Variants in SUN3 observed in about 807,000 individuals in gnomAD.
SUN3 encodes the protein SUN domain-containing protein 3.
In SUN3, 36 loss-of-function variants were observed where a neutral mutation model predicts 48.2. That is an observed-to-expected ratio of 0.75 (90% CI 0.57 to 0.99). The LOEUF (loss-of-function observed/expected upper bound fraction) is 0.99. SUN3 is among the 50% of genes least tolerant of loss of function. The pLI, the probability that SUN3 is intolerant of heterozygous loss-of-function variation, is 0.00. For synonymous variants in SUN3, 148 were observed against 147.9 expected, an observed-to-expected ratio of 1.00 and a Z score of 0.00; for missense variants, 419 against 433.1, an observed-to-expected ratio of 0.97 and a Z score of 0.29.
intron 9 of SUN3, 117 bp downstream of exon 9, chr7:47,988,670 CT>C (rs1159784339): frequency 3.5e-6 from 2 of 575,636 alleles, no homozygotes; most frequent in Admixed American, 3.4e-5. Flanking sequence ...TCAGATAAGC[CT>C]TGTGTAACTC....
chr7:48,030,812 T>A (rs980867048), upstream of SUN3, among the ~76,000 whole-genome samples: 4 of 152,252 alleles, frequency 2.6e-5, no homozygotes, highest in Non-Finnish European at 5.9e-5. Context: ...ATGTGTATTT[T>A]TCAAGAATAA....
At position 47,987,369 on chromosome 7, in the gene SUN3, A is replaced by G. The variant is rs1788929329; in HGVS notation, c.1035T>C (p.Tyr345=). Residue 345 remains tyrosine (Y), a synonymous_variant, in exon 10 of 10, where the codon TAT becomes TAC. Transcript: ENST00000297325. The part of the protein sequence containing the change: ...NWGHPKYTCL[Y]RFRVHGTPGK... The stretch of plus-strand genomic sequence containing the variant: ...CTGGTGTGCCATGGACCCTGAATCG[A>G]TATAAACAAGTATACTTCGGGTGTC... 1 of 1,612,336 alleles carries G rather than the reference A, an allele frequency of 6.2e-7. No individual in the cohort carries two copies. Among genetic ancestry groups the G allele is most frequent in the Non-Finnish European group, 8.5e-7 (1 of 1,179,000 alleles).
chr7:48,035,273 AC>A, the SUN3 span, among the ~76,000 whole-genome samples: 2 of 145,656 alleles, frequency 1.4e-5, no homozygotes. This position sits in a 1 kb window ranked among gnomAD's most constrained non-coding sequence, Gnocchi z 4.0. Flanking sequence ...ACGCCCCCAC[AC>A]CCCTGCAACA....
intron 2 of SUN3, among the ~76,000 whole-genome samples, chr7:48,021,255 C>G (rs912452013): frequency 6.6e-6 from 1 of 152,140 alleles, no homozygotes; most frequent in Non-Finnish European, 1.5e-5. Context: ...ATACAAAAAT[C>G]AAATCAAAAT....
chr7:48,028,755 G>A, intron 1 of SUN3, 62 bp downstream of exon 1: 1 of 1,583,774 alleles, frequency 6.3e-7, no homozygotes, highest in Admixed American at 1.8e-5. Context: ...ACAGACACAA[G>A]TGACAGATGT....
intron 8 of SUN3, chr7:47,990,875 T>C: frequency 2.7e-6 from 1 of 365,834 alleles, no homozygotes; most frequent in African/African-American, 2.3e-5. Context: ...CTCTATGTTC[T>C]CACTTGTAAG....
Position 47,995,775 on chromosome 7 carries a change from A to C in SUN3, c.693+256T>G, listed in dbSNP as rs113728378. ...AAAAGACATGGAATGTATATGTTTT[A>C]CTTGAAAATAAAATAATCTAGTTTA... On this transcript the variant is annotated intron_variant, in intron 7 of 9. Coordinates refer to ENST00000297325, the MANE Select transcript of SUN3 (RefSeq NM_001030019.2). Among the ~76,000 whole-genome samples, 332 of 152,336 alleles carry C rather than the reference A, an allele frequency of 2.2e-3. 1 individual carries two copies. The highest frequency in any genetic ancestry group is 7.5e-3 in the African/African-American group (311 of 41,570).
chr7:48,007,796 G>A (rs1301927201), intron 4 of SUN3, among the ~76,000 whole-genome samples: 1 of 151,930 alleles, frequency 6.6e-6, no homozygotes, highest in Non-Finnish European at 1.5e-5. Flanking sequence ...TTGACAGCCT[G>A]AGCATGCAAG....
At chr7:48,002,202 C>T (rs1221347020) in intron 6 of SUN3, among the ~76,000 whole-genome samples, 2 of 122,154 alleles carry the variant, frequency 1.6e-5, no homozygotes, top group Non-Finnish European at 3.0e-5. Context: ...CTCTGTCGCC[C>T]AGGCTGGAGT....
At chr7:48,010,041 C>G (rs558024761) in intron 3 of SUN3, among the ~76,000 whole-genome samples, 3 of 152,078 alleles carry the variant, frequency 2.0e-5, no homozygotes, top group Non-Finnish European at 4.4e-5. Flanking sequence ...AGCCTGGGAG[C>G]CTCCAAAGCC....
rs867259325 is a variant in SUN3 at position 48,001,536 on chromosome 7, T to G, written c.577+4433A>C. ...ATGTCTTTTCTGTTTTTTTTGTTTT[T>G]TTTTTTTTTTTTTTTGAGACAGAGT... On this transcript the variant is annotated intron_variant, in intron 6 of 9. Coordinates refer to ENST00000297325, the MANE Select transcript of SUN3 (RefSeq NM_001030019.2). Among the ~76,000 whole-genome samples the G allele has an allele frequency of 4.9e-5, 7 of 142,126 alleles. No individual in the cohort carries two copies. The East Asian group carries it at 8.1e-4, about 16-fold the overall frequency. 93.2% of individuals were successfully genotyped at this position (142,126 alleles called of 152,430 possible).
chr7:48,008,326 C>G (rs1283733642), intron 4 of SUN3, among the ~76,000 whole-genome samples: 1 of 152,192 alleles, frequency 6.6e-6, no homozygotes, highest in South Asian at 2.1e-4. Flanking sequence ...ATTTTAATGA[C>G]TTTCTACCAG....
chr7:47,994,599 C>A, intron 7 of SUN3, 117 bp from the exon 8 acceptor site: 2 of 1,049,434 alleles, frequency 1.9e-6, no homozygotes, highest in Non-Finnish European at 2.6e-6. Flanking sequence ...AATAGGAAAA[C>A]TCCCAAGGCA....
chr7:47,991,091 A>C (rs940010946), intron 8 of SUN3: 5 of 452,652 alleles, frequency 1.1e-5, no homozygotes, highest in East Asian at 7.0e-5. Flanking sequence ...ACAAAACAAA[A>C]CAAACCAAAA....
chr7:48,000,675 T>C (rs564724150), intron 6 of SUN3, among the ~76,000 whole-genome samples: 29 of 152,228 alleles, frequency 1.9e-4, no homozygotes, highest in Non-Finnish European at 3.1e-4. Context: ...ACTTTAAACA[T>C]GTCGTTTCCT....
In SUN3 at chr7:47,988,980, G is replaced by C. The variant is rs536915103; in HGVS notation, c.862-100C>G. ...ACCAAATATCTCTGTGTGTCCACCA[G>C]GGGCACAGTGCTGTGATCATGCCAG... is the stretch of plus-strand genomic sequence containing the variant. On this transcript the variant is annotated intron_variant, in intron 8 of 9. Coordinates refer to ENST00000297325, the MANE Select transcript of SUN3 (RefSeq NM_001030019.2). 8.7e-6 allele frequency: 6 copies of C among 687,092 alleles called. No individual in the cohort carries two copies. The East Asian group carries it at 1.3e-4, about 15-fold the overall frequency. The allele number at this position is 687,092 out of a possible 1,614,324, so 42.6% of individuals were successfully genotyped here.
chr7:47,996,211 A>T (rs1211539934), intron 6 of SUN3, 65 bp from the exon 7 acceptor site: 1 of 882,180 alleles, frequency 1.1e-6, no homozygotes, highest in Non-Finnish European at 1.7e-6. Context: ...ACATCATTTG[A>T]ATTTTAACAA....
rs112192395 is a variant in SUN3, at chr7:48,026,581, A to AACAC, written c.123-647_123-644dup. On this transcript the variant is annotated intron_variant, in intron 1 of 9. Transcript: ENST00000297325. ...TGGACTGAATTGCACCCCACCCCCC[A>AACAC]ACACACACACACACACACACACACA... Among the ~76,000 whole-genome samples, 689 of 145,722 alleles carry AACAC rather than the reference A, an allele frequency of 4.7e-3. 4 individuals carry two copies. Among genetic ancestry groups the AACAC allele is most frequent in the African/African-American group, 0.015 (599 of 39,394 alleles).
At chr7:48,025,675 C>T (rs1239325975) in intron 2 of SUN3, among the ~76,000 whole-genome samples, 1 of 152,192 alleles carries the variant, frequency 6.6e-6, no homozygotes, top group African/African-American at 2.4e-5. Context: ...AATCTCCTTT[C>T]TAAATTTTCT....
Sources: allele counts gnomAD v4.1 joint callset (sites outside exome capture counted in the v4.1 genomes callset), GRCh38; gene constraint gnomAD v4.1.1; non-coding constraint Gnocchi (gnomAD v3.1); transcripts MANE v1.5; gene names NCBI Gene and HGNC (gene_info 2026-07-23, HGNC 2026-07-21).